The following NEB variants were observed in gnomAD, a reference collection of about 807,000 sequenced individuals.
The protein encoded by NEB is nemaline myopathy type 2.
A neutral mutation model predicts 952.2 loss-of-function variants in NEB; 512 were observed. The ratio of observed to expected loss-of-function variants is 0.54; its 90% confidence interval spans 0.50 to 0.58. NEB has a LOEUF of 0.58. Ranked by LOEUF, NEB falls within the 20% of genes least tolerant of loss-of-function variation. NEB has a pLI of 0.00. For missense variants in NEB, 8,428 were observed against 9,231.1 expected, an observed-to-expected ratio of 0.91 and a Z score of 3.56; for synonymous variants, 2,900 against 3,149.8, an observed-to-expected ratio of 0.92 and a Z score of 2.66.
intron 46 of NEB, among the ~76,000 whole-genome samples, chr2:151,661,015 A>T (rs1458134224): frequency 6.6e-6 from 1 of 152,164 alleles, no homozygotes; most frequent in Non-Finnish European, 1.5e-5. Context: ...TAGTGGAAAG[A>T]GTGGTGACTA....
At chr2:151,494,479 C>T (rs1179483475) in intron 173 of NEB, among the ~76,000 whole-genome samples, 1 of 152,088 alleles carries the variant, frequency 6.6e-6, no homozygotes, top group Admixed American at 6.6e-5. Flanking sequence ...GCAAGAGAGA[C>T]CTGTGGTGTT....
chr2:151,655,036 A>G (rs2099073498), intron 51 of NEB, among the ~76,000 whole-genome samples: 1 of 151,988 alleles, frequency 6.6e-6, no homozygotes, highest in Non-Finnish European at 1.5e-5. Flanking sequence ...CCTGCTTGGT[A>G]TCAAGCACAA....
intron 95 of NEB, 125 bp from the exon 96 acceptor site, chr2:151,591,580 GAA>G (rs1400092079): frequency 3.5e-6 from 3 of 849,322 alleles, no homozygotes; most frequent in African/African-American, 3.4e-5. Flanking sequence ...TAAGATTTAT[GAA>G]AGAGTCTGGT....
intron 145 of NEB, among the ~76,000 whole-genome samples, chr2:151,529,676 A>G (rs4233650): frequency 0.62 from 94,145 of 151,860 alleles, 29,736 homozygotes; most frequent in East Asian, 0.78. Flanking sequence ...GACCACAGGC[A>G]TGCGCCACCT....
chr2:151,560,565 A>G (rs1390458960), intron 124 of NEB, 27 bp downstream of exon 124: 1 of 1,543,652 alleles, frequency 6.5e-7, no homozygotes, highest in East Asian at 2.3e-5. Context: ...GAGGGTGGGA[A>G]AGCTGTCATG....
chr2:151,492,380 G>A lies in NEB; in HGVS notation c.24873+7C>T, dbSNP rs372378614. 1.3e-5 allele frequency: 21 copies of A among 1,595,354 alleles called. No homozygotes were observed. The highest frequency in any genetic ancestry group is 1.7e-5 in the Non-Finnish European group (20 of 1,169,196). The stretch of plus-strand genomic sequence containing the variant: ...AGCCAGCCAATCCTAAAGAATTCCT[G>A]ACTCACCGTTGAGATGTGCCGTTGG... On this transcript the variant is annotated splice_region_variant and intron_variant, in intron 177 of 181. Coordinates refer to ENST00000397345, the MANE Select transcript of NEB (RefSeq NM_001164508.2).
At chr2:151,704,706 C>A in intron 13 of NEB, among the ~76,000 whole-genome samples, 1 of 152,230 alleles carries the variant, frequency 6.6e-6, no homozygotes, top group Non-Finnish European at 1.5e-5. Context: ...CAATGCCTCG[C>A]CCTGCTTCGG....
At chr2:151,571,445 T>C (rs2096625301) in intron 107 of NEB, among the ~76,000 whole-genome samples, 1 of 152,256 alleles carries the variant, frequency 6.6e-6, no homozygotes, top group African/African-American at 2.4e-5. Flanking sequence ...TAATGGGTTA[T>C]TGAATTTCTT....
At chr2:151,704,485 C>T (rs2099694782) in intron 13 of NEB, among the ~76,000 whole-genome samples, 1 of 151,408 alleles carries the variant, frequency 6.6e-6, no homozygotes, top group Non-Finnish European at 1.5e-5. Context: ...AGTTTGATCT[C>T]AGACTGCTGT....
Position 151,639,872 on chromosome 2 carries a change from G to A in NEB, c.8874C>T (p.Ala2958=). The A allele has an allele frequency of 1.2e-6, 2 of 1,613,322 alleles. No homozygotes were observed. Among genetic ancestry groups the A allele is most frequent in the East Asian group, 4.5e-5 (2 of 44,838 alleles). The change falls in exon 62 of 182, where the codon GCC becomes GCT. Residue 2958 remains alanine (A), a synonymous_variant. Transcript: ENST00000397345. The part of the protein sequence containing the change: ...SLEQVLAKNN[A]ITMNKRLYTE... ...GAAGTCTCACCTTGTTCATAGTGAT[G>A]GCATTATTTTTGGCCAACACTTGTT...
chr2:151,531,719 A>C, intron 144 of NEB, 73 bp downstream of exon 144: 1 of 1,183,762 alleles, frequency 8.4e-7, no homozygotes, highest in South Asian at 1.3e-5. Flanking sequence ...ACTTTGTGAC[A>C]ATTTAAAATG....
At chr2:151,618,037 G>A (rs938633672) in intron 74 of NEB, among the ~76,000 whole-genome samples, 2 of 152,072 alleles carry the variant, frequency 1.3e-5, no homozygotes, top group Admixed American at 6.6e-5. Flanking sequence ...TCCAGCCTGG[G>A]CGACGAGAAC....
intron 161 of NEB, among the ~76,000 whole-genome samples, chr2:151,511,877 A>G (rs1001843961): frequency 1.6e-4 from 24 of 152,296 alleles, no homozygotes; most frequent in Admixed American, 5.2e-4. Flanking sequence ...AGATCTGCGC[A>G]CACATTTTTA....
In NEB at chr2:151,568,062, A is replaced by G. The variant is rs769633757; in HGVS notation, c.17844+9T>C. ...TTTTGCAAAATGCACTCCCATCAGG[A>G]TGTATTACCTCACTCTGAACGTCAT... is the stretch of plus-strand genomic sequence containing the variant. On this transcript the variant is annotated intron_variant, in intron 113 of 181. Transcript: ENST00000397345. 9 of 1,608,408 alleles carry G rather than the reference A, an allele frequency of 5.6e-6. No homozygotes were observed. Among genetic ancestry groups the G allele is most frequent in the Non-Finnish European group, 7.7e-6 (9 of 1,175,692 alleles).
intron 141 of NEB, 32 bp from the exon 142 acceptor site, chr2:151,535,827 C>T: frequency 1.7e-6 from 2 of 1,208,700 alleles, no homozygotes; most frequent in East Asian, 4.9e-5. Context: ...TACTTGACAG[C>T]AGGCTATGAT....
At chr2:151,684,706 T>G in intron 28 of NEB, 72 bp downstream of exon 28, 3 of 1,370,228 alleles carry the variant, frequency 2.2e-6, no homozygotes, top group Non-Finnish European at 2.0e-6. Flanking sequence ...TGCAAAAACC[T>G]CACTCAACTT....
intron 3 of NEB, among the ~76,000 whole-genome samples, chr2:151,730,374 C>T (rs2099803292): frequency 6.6e-6 from 1 of 152,006 alleles, no homozygotes; most frequent in Non-Finnish European, 1.5e-5. Flanking sequence ...GTCATCATGG[C>T]CTGCATGATG....
rs1356324749 is a variant in NEB, at chr2:151,633,659, T to G, written c.9409A>C (p.Ser3137Arg). 6.2e-7 allele frequency: 1 copy of G among 1,611,712 alleles called. No homozygotes were observed. Among genetic ancestry groups the G allele is most frequent in the Non-Finnish European group, 8.5e-7 (1 of 1,178,132 alleles). Residue 3137 changes from serine to arginine, a missense_variant, in exon 65 of 182, where the codon AGT (serine) becomes CGT (arginine). By Grantham distance (110) the Ser-to-Arg change is moderately radical (BLOSUM62 -1). Coordinates refer to ENST00000397345, the MANE Select transcript of NEB (RefSeq NM_001164508.2). ...IHARQAYDLQ[S>R]DNIYKSDLQW... ...TTTATAGATGCTGTACTCACGTCAC[T>G]CTGGAGGTCATAGGCCTGCCGAGCA...
At chr2:151,697,794 C>G (rs191054016) in intron 13 of NEB, 146 bp from the exon 14 acceptor site, 3 of 609,676 alleles carry the variant, frequency 4.9e-6, no homozygotes, top group Non-Finnish European at 8.3e-6. Context: ...AGGCCAGGTG[C>G]GGCGGCTCAC....
Sources: allele counts gnomAD v4.1 joint callset (sites outside exome capture counted in the v4.1 genomes callset), GRCh38; gene constraint gnomAD v4.1.1; transcripts MANE v1.5; gene names NCBI Gene and HGNC (gene_info 2026-07-23, HGNC 2026-07-21).